Variants in PPA2 observed in about 807,000 individuals in gnomAD.
The protein encoded by PPA2 is inorganic pyrophosphatase 2, mitochondrial.
In PPA2, 48 loss-of-function variants were observed where a neutral mutation model predicts 49.5. The observed-to-expected ratio is 0.97, with a 90% CI of 0.77 to 1.23. The LOEUF (loss-of-function observed/expected upper bound fraction) is 1.23. PPA2 is among the 50% of genes most tolerant of loss of function. PPA2 has a pLI of 0.00. For synonymous variants in PPA2, 131 were observed against 139.9 expected (o/e 0.94, Z 0.45); for missense variants, 429 against 410.1 (o/e 1.05, Z -0.40).
At chr4:105,460,856 C>CATATATATATAT (rs1491341057) in intron 1 of PPA2, among the ~76,000 whole-genome samples, 7 of 139,154 alleles carry the variant, frequency 5.0e-5, no homozygotes, top group African/African-American at 6.5e-5. Context: ...GATGTAAGAT[C>CATATATATATAT]ACATATATAT....
intron 10 of PPA2, among the ~76,000 whole-genome samples, chr4:105,379,696 C>T (rs887328986): frequency 4.7e-5 from 7 of 148,434 alleles, no homozygotes; most frequent in Non-Finnish European, 7.4e-5. Flanking sequence ...TGCAGTGGCG[C>T]GATCTCGGCT....
In PPA2 at chr4:105,393,398, C is replaced by T. The variant is rs77448864; in HGVS notation, c.869+2851G>A. Among the ~76,000 whole-genome samples the T allele has an allele frequency of 3.0e-3, 450 of 151,134 alleles. 5 individuals are homozygous for T. Among genetic ancestry groups the T allele is most frequent in the African/African-American group, 0.011 (434 of 41,168 alleles). On this transcript the variant is annotated intron_variant, in intron 9 of 11. Coordinates refer to ENST00000341695, the MANE Select transcript of PPA2 (RefSeq NM_176869.3). ...ACTTGGGAGGCTGAGGTGGGAGAAT[C>T]GCTGAACTCTGGGAGGTCAAGGCTG...
At chr4:105,369,861 C>T (rs993890335) in intron 11 of PPA2, 108 bp from the exon 12 acceptor site, 4 of 1,025,826 alleles carry the variant, frequency 3.9e-6, no homozygotes, top group Non-Finnish European at 6.1e-6. Context: ...TAGGCAGATA[C>T]AAACAGTCAT....
intron 7 of PPA2, among the ~76,000 whole-genome samples, chr4:105,422,028 G>A (rs1723275887): frequency 6.7e-6 from 1 of 149,530 alleles, no homozygotes; most frequent in South Asian, 2.1e-4. Context: ...GGAAGGCAGA[G>A]AGAGACTGCC....
chr4:105,436,438 T>A (rs536846176), intron 6 of PPA2, among the ~76,000 whole-genome samples: 3 of 152,184 alleles, frequency 2.0e-5, no homozygotes, highest in Non-Finnish European at 4.4e-5. Flanking sequence ...ATTACCAATG[T>A]CATTTTTTCA....
At chr4:105,431,873 T>C (rs1490693152) in intron 6 of PPA2, among the ~76,000 whole-genome samples, 4 of 152,164 alleles carry the variant, frequency 2.6e-5, no homozygotes, top group Admixed American at 6.5e-5. Context: ...ATATCCAGAA[T>C]AGGTAAACCT....
At chr4:105,466,774 T>G (rs1723320218) in intron 1 of PPA2, among the ~76,000 whole-genome samples, 1 of 152,216 alleles carries the variant, frequency 6.6e-6, no homozygotes, top group South Asian at 2.1e-4. Context: ...TCTCCCCTGA[T>G]TCTTCCCTTG....
chr4:105,379,836 G>C (rs1733414818), intron 10 of PPA2, among the ~76,000 whole-genome samples: 1 of 152,024 alleles, frequency 6.6e-6, no homozygotes, highest in African/African-American at 2.4e-5. Context: ...GTTTCACCAT[G>C]TTGGCTAGGC....
intron 6 of PPA2, among the ~76,000 whole-genome samples, chr4:105,429,261 G>T (rs1317359240): frequency 6.6e-6 from 1 of 152,098 alleles, no homozygotes; most frequent in Non-Finnish European, 1.5e-5. Flanking sequence ...AGATAAATGA[G>T]AATCAAAGAT....
At chr4:105,465,799 T>TG (rs141679397) in intron 1 of PPA2, among the ~76,000 whole-genome samples, 2,677 of 152,216 alleles carry the variant, frequency 0.018, 78 homozygotes, top group African/African-American at 0.061. Flanking sequence ...ATAATGTGAC[T>TG]GGGGGGGTCA....
At chr4:105,447,058 G>A (rs1000922065) in intron 4 of PPA2, among the ~76,000 whole-genome samples, 2 of 152,150 alleles carry the variant, frequency 1.3e-5, no homozygotes, top group Admixed American at 1.3e-4. Context: ...AACTGTCACT[G>A]TTTGCTGATG....
intron 10 of PPA2, among the ~76,000 whole-genome samples, chr4:105,376,734 G>T (rs906594461): frequency 7.2e-5 from 11 of 152,150 alleles, no homozygotes; most frequent in African/African-American, 2.7e-4. Context: ...ATTCTAGATT[G>T]TAAGAGTTTT....
At chr4:105,451,807 C>T (rs1722689487) in intron 3 of PPA2, among the ~76,000 whole-genome samples, 1 of 152,216 alleles carries the variant, frequency 6.6e-6, no homozygotes. Flanking sequence ...TTCATTTGCT[C>T]GTAATCACTA....
chr4:105,428,717 T>C (rs1723649057), intron 6 of PPA2, among the ~76,000 whole-genome samples: 1 of 152,026 alleles, frequency 6.6e-6, no homozygotes. Context: ...ATACCTAATG[T>C]AGGTGACTGG....
At chr4:105,400,588 A>C (rs1734325424) in intron 7 of PPA2, among the ~76,000 whole-genome samples, 1 of 152,126 alleles carries the variant, frequency 6.6e-6, no homozygotes, top group South Asian at 2.1e-4. Context: ...AGCCAAGATC[A>C]CGCCATTGCA....
At chr4:105,418,352 T>G (rs1723101268) in intron 7 of PPA2, among the ~76,000 whole-genome samples, 2 of 152,236 alleles carry the variant, frequency 1.3e-5, no homozygotes, top group Admixed American at 1.3e-4. Context: ...TTTTAAATAA[T>G]AATTACAGAA....
intron 6 of PPA2, among the ~76,000 whole-genome samples, chr4:105,425,487 C>A (rs911118679): frequency 2.0e-5 from 3 of 152,122 alleles, no homozygotes; most frequent in Admixed American, 6.5e-5. Flanking sequence ...AATTAGTGAA[C>A]CTGAAGACAC....
intron 1 of PPA2, among the ~76,000 whole-genome samples, chr4:105,461,846 G>C (rs1723105247): frequency 6.6e-6 from 1 of 152,202 alleles, no homozygotes; most frequent in Non-Finnish European, 1.5e-5. Context: ...CCATAGCTAA[G>C]ACAAGACACG....
intron 1 of PPA2, among the ~76,000 whole-genome samples, chr4:105,472,690 T>C (rs574506129): frequency 6.6e-6 from 1 of 152,222 alleles, no homozygotes; most frequent in East Asian, 1.9e-4. Context: ...TTGAAGAAAA[T>C]AGAAATTCTA....
Sources: gnomAD v4.1 joint callset for allele counts (sites outside exome capture counted in the v4.1 genomes callset) on GRCh38, gnomAD v4.1.1 for gene constraint, MANE v1.5 for transcripts, NCBI Gene and HGNC (gene_info 2026-07-23, HGNC 2026-07-21) for gene names.